SLC12A4: variants seen among roughly 807,000 people sequenced by gnomAD.
SLC12A4 encodes the protein solute carrier family 12 member 4.
In SLC12A4, 84 loss-of-function variants were observed where a neutral mutation model predicts 119.2. The observed-to-expected ratio is 0.70, with a 90% CI of 0.59 to 0.85. SLC12A4 has a LOEUF of 0.85. Ranked by LOEUF, SLC12A4 falls within the 40% of genes least tolerant of loss-of-function variation. The probability of loss-of-function intolerance (pLI) is 0.00; values close to 1 mark genes in which losing one functional copy is unlikely to be tolerated. For missense variants in SLC12A4, 1,298 were observed against 1,476.3 expected, an observed-to-expected ratio of 0.88 and a Z score of 1.98; for synonymous variants, 599 against 604.6, an observed-to-expected ratio of 0.99 and a Z score of 0.14.
Position 67,950,812 on chromosome 16 carries a change from G to A in SLC12A4, c.1397-101C>T, listed in dbSNP as rs143912564. On this transcript the variant is annotated intron_variant, in intron 10 of 23. Coordinates refer to ENST00000316341, the MANE Select transcript of SLC12A4 (RefSeq NM_005072.5). This position sits in a 1 kb window ranked among gnomAD's most constrained non-coding sequence, Gnocchi z 4.3. The stretch of plus-strand genomic sequence containing the variant: ...CCAGACTACCAGGACACCTACAGCT[G>A]GGAGTCTCGTGGTGTGTATGTGCAT... The A allele has an allele frequency of 4.8e-4, 718 of 1,487,870 alleles. 13 individuals carry two copies. In the East Asian group the frequency reaches 0.017, roughly 36 times the overall value. 92.2% of individuals were successfully genotyped at this position (1,487,870 alleles called of 1,614,324 possible).
chr16:67,957,616 A>G, intron 5 of SLC12A4, 126 bp downstream of exon 5: 1 of 1,033,680 alleles, frequency 9.7e-7, no homozygotes, highest in Non-Finnish European at 1.5e-6. Flanking sequence ...CTGTCCTGGC[A>G]TCAGGGATTG....
Position 67,951,560 on chromosome 16 carries a change from G to A in SLC12A4, c.1133-256C>T, listed in dbSNP as rs1473688529. Reference sequence around the variant, plus strand: ...GCCCGCCTTCCACAGAGGCCTTTATGGATCCTGTGGGAACATCCCCAGGCA... The same window carrying A: ...GCCCGCCTTCCACAGAGGCCTTTATAGATCCTGTGGGAACATCCCCAGGCA... On this transcript the variant is annotated intron_variant, in intron 8 of 23. Coordinates refer to ENST00000316341, the MANE Select transcript of SLC12A4 (RefSeq NM_005072.5). The surrounding 1 kb of genome is among the most constrained non-coding windows in gnomAD (Gnocchi z 5.2). The A allele has an allele frequency of 4.9e-6, 3 of 607,796 alleles. No homozygotes were observed. Among genetic ancestry groups the A allele is most frequent in the Non-Finnish European group, 8.7e-6 (3 of 345,662 alleles). The allele number at this position is 607,796 out of a possible 1,614,324, so 37.7% of individuals were successfully genotyped here. A position where few individuals can be genotyped will look rare whatever the true frequency, so the allele number is the denominator to read the frequency against.
At chr16:67,952,704 G>A (rs574148184) in intron 6 of SLC12A4, among the ~76,000 whole-genome samples, 11 of 151,160 alleles carry the variant, frequency 7.3e-5, no homozygotes, top group Non-Finnish European at 8.9e-5. Context: ...CAGGAGGATC[G>A]CCTGAATCCA....
chr16:67,945,890 G>GT lies in SLC12A4; in HGVS notation c.2740-20dup. ...TGTTATGCTGGGGACAGGGTTGGCC[G>GT]TGAGGACCCAGCTGCACGGGACATG... On this transcript the variant is annotated intron_variant, in intron 20 of 23. Coordinates refer to ENST00000316341, the MANE Select transcript of SLC12A4 (RefSeq NM_005072.5). 1.9e-6 allele frequency: 3 copies of GT among 1,613,578 alleles called. No individual in the cohort carries two copies. Among genetic ancestry groups the GT allele is most frequent in the Non-Finnish European group, 2.5e-6 (3 of 1,179,654 alleles).
chr16:67,943,849 T>G lies in SLC12A4; in HGVS notation c.*991A>C, dbSNP rs190807031. ...GGGCAGGTACTTATGTCGGGGCTTA[T>G]GCAGGGCAGAAGGGCTTTGGCCAGG... On this transcript the variant is annotated 3_prime_UTR_variant, in exon 24 of 24. Transcript: ENST00000316341. This position sits in a 1 kb window ranked among gnomAD's most constrained non-coding sequence, Gnocchi z 4.6. 1.7e-6 allele frequency: 2 copies of G among 1,188,608 alleles called. No individual in the cohort carries two copies. Among genetic ancestry groups the G allele is most frequent in the East Asian group, 5.2e-5 (2 of 38,752 alleles). 73.6% of individuals were successfully genotyped at this position (1,188,608 alleles called of 1,614,324 possible).
chr16:67,962,573 G>A (rs1434599800), intron 2 of SLC12A4: 1 of 152,284 alleles, frequency 6.6e-6, no homozygotes, highest in East Asian at 1.9e-4. Context: ...CAGATGTGGT[G>A]GCTCACAGCA....
intron 1 of SLC12A4, among the ~76,000 whole-genome samples, chr16:67,965,236 A>T (rs1189339967): frequency 6.6e-6 from 1 of 152,046 alleles, no homozygotes; most frequent in African/African-American, 2.4e-5. Context: ...ACCCAGTAAC[A>T]CTCTGCCTCT....
chr16:67,966,996 G>T, intron 1 of SLC12A4: 1 of 997,188 alleles, frequency 1.0e-6, no homozygotes, highest in Non-Finnish European at 1.4e-6. Context: ...TCCTGGGGAT[G>T]CAGCCCAGTC....
rs1266105638 is a variant in SLC12A4, at chr16:67,945,882, G to C, written c.2740-11C>G. On this transcript the variant is annotated splice_polypyrimidine_tract_variant and intron_variant, in intron 20 of 23. Transcript: ENST00000316341. ...GATGTCACTGTTATGCTGGGGACAG[G>C]GTTGGCCGTGAGGACCCAGCTGCAC... 6.2e-7 allele frequency: 1 copy of C among 1,613,678 alleles called. No individual in the cohort carries two copies. The highest frequency in any genetic ancestry group is 8.5e-7 in the Non-Finnish European group (1 of 1,179,824).
Position 67,946,300 on chromosome 16 carries a change from G to C in SLC12A4, c.2478C>G (p.Leu826=), listed in dbSNP as rs760527523. 6.2e-7 allele frequency: 1 copy of C among 1,612,586 alleles called. No homozygotes were observed. Among genetic ancestry groups the C allele is most frequent in the Non-Finnish European group, 8.5e-7 (1 of 1,180,024 alleles). Residue 826 remains leucine, a synonymous_variant, in exon 19 of 24, where the codon CTC becomes CTG. Coordinates refer to ENST00000316341, the MANE Select transcript of SLC12A4 (RefSeq NM_005072.5). The part of the protein sequence containing the change: ...RCTTAAHLAL[L]VPKNIAFYPS... ...GGTAGAAGGCGATGTTCTTGGGCAC[G>C]AGCAGGGCCAGGTGGGCAGCCGTAG...
Position 67,944,744 on chromosome 16 carries a change from TG to T in SLC12A4, c.*95del, listed in dbSNP as rs1598206568. The T allele has an allele frequency of 1.1e-5, 16 of 1,517,556 alleles. No homozygotes were observed. The East Asian group carries it at 3.7e-4, about 35-fold the overall frequency. 94.0% of individuals were successfully genotyped at this position (1,517,556 alleles called of 1,614,324 possible). On this transcript the variant is annotated 3_prime_UTR_variant, in exon 24 of 24. Transcript: ENST00000316341. The surrounding 1 kb of genome is among the most constrained non-coding windows in gnomAD (Gnocchi z 6.6). Reference sequence around the variant, plus strand: ...CAGGACAGGGCCAGGCAAGCAGGGCTGGCAGGTGGGTGCTGGGAAGAGGCTG... The same window carrying T: ...CAGGACAGGGCCAGGCAAGCAGGGCTGCAGGTGGGTGCTGGGAAGAGGCTG...
Position 67,949,825 on chromosome 16 carries a change from C to T in SLC12A4, c.1723G>A (p.Asp575Asn), listed in dbSNP as rs754522205. The T allele has an allele frequency of 3.7e-6, 6 of 1,609,962 alleles. No individual in the cohort carries two copies. Among genetic ancestry groups the T allele is most frequent in the East Asian group, 2.3e-5 (1 of 44,328 alleles). Residue 575 changes from aspartate (D) to asparagine (N), a missense_variant, in exon 13 of 24, where the codon GAC becomes AAC. Physicochemically the swap from Asp to Asn is conservative, Grantham distance 23 (BLOSUM62 1). Coordinates refer to ENST00000316341, the MANE Select transcript of SLC12A4 (RefSeq NM_005072.5). The surrounding 1 kb of genome is among the most constrained non-coding windows in gnomAD (Gnocchi z 4.6). Reference sequence around the variant, plus strand: ...ATGGATAAGATGGGGGCCACCATGTCGAGGGAGGCGATGAGGATGCCCAGC... The same window carrying T: ...ATGGATAAGATGGGGGCCACCATGTTGAGGGAGGCGATGAGGATGCCCAGC... ...AELGILIASL[D>N]MVAPILSMFF...
At chr16:67,965,749 A>G (rs1379752373) in intron 1 of SLC12A4, among the ~76,000 whole-genome samples, 1 of 152,168 alleles carries the variant, frequency 6.6e-6, no homozygotes, top group East Asian at 1.9e-4. Flanking sequence ...TTGTCCCTTC[A>G]GCTATCACTC....
At chr16:67,945,243 C>T in intron 22 of SLC12A4, 23 bp from the exon 23 acceptor site, 1 of 1,552,262 alleles carries the variant, frequency 6.4e-7, no homozygotes, top group South Asian at 1.2e-5. Context: ...TAGCCAGTCA[C>T]AGGTCGCCAT....
At chr16:67,956,715 C>T (rs1598223331) in intron 5 of SLC12A4, among the ~76,000 whole-genome samples, 1 of 151,958 alleles carries the variant, frequency 6.6e-6, no homozygotes, top group African/African-American at 2.4e-5. Flanking sequence ...AATCAAAAAA[C>T]TGTTTTCAAC....
rs1459337065 is a variant in SLC12A4, at chr16:67,946,998, A to C, written c.2180T>G (p.Val727Gly). Reference protein sequence around the residue: ...QLKAGKGLTIVGSVIQGSFLE... With the variant: ...QLKAGKGLTIGGSVIQGSFLE... ...GAAGCTCCCCTGGATGACAGAACCA[A>C]CAATGGTCAGGCCCTTGCCAGCCTT... is the stretch of plus-strand genomic sequence containing the variant. Residue 727 changes from valine (V) to glycine (G), a missense_variant, in exon 17 of 24, where the codon GTT (valine) becomes GGT (glycine). Physicochemically the swap from Val to Gly is moderately radical, Grantham distance 109 (BLOSUM62 -3). Coordinates refer to ENST00000316341, the MANE Select transcript of SLC12A4 (RefSeq NM_005072.5). 2 of 1,613,132 alleles carry C rather than the reference A, an allele frequency of 1.2e-6. No individual in the cohort carries two copies. The highest frequency in any genetic ancestry group is 2.7e-5 in the African/African-American group (2 of 74,944).
intron 13 of SLC12A4, among the ~76,000 whole-genome samples, chr16:67,948,913 T>C (rs1273488341): frequency 1.3e-5 from 2 of 151,930 alleles, no homozygotes; most frequent in African/African-American, 2.4e-5. Flanking sequence ...TGCTCAGGGG[T>C]ACAGGGCCCC....
In SLC12A4 at chr16:67,950,752, C is replaced by T. The variant is rs1462232893; in HGVS notation, c.1397-41G>A. ...GGAAAACTCGGCCTCTGCCACCCCA[C>T]TGTCCCTGAATAGTACCACGTGCCC... is the stretch of plus-strand genomic sequence containing the variant. On this transcript the variant is annotated intron_variant, in intron 10 of 23. Coordinates refer to ENST00000316341, the MANE Select transcript of SLC12A4 (RefSeq NM_005072.5). The surrounding 1 kb of genome is among the most constrained non-coding windows in gnomAD (Gnocchi z 4.3). The T allele has an allele frequency of 1.9e-6, 3 of 1,581,664 alleles. No individual in the cohort carries two copies. The highest frequency in any genetic ancestry group is 2.6e-6 in the Non-Finnish European group (3 of 1,164,544).
At chr16:67,948,273 C>CA (rs2058375006) in intron 13 of SLC12A4, 114 bp from the exon 14 acceptor site, 1 of 902,916 alleles carries the variant, frequency 1.1e-6, no homozygotes, top group African/African-American at 1.7e-5. Flanking sequence ...CTGCATGGCT[C>CA]AGCAAGGTCT....
Sources: allele counts gnomAD v4.1 joint callset (sites outside exome capture counted in the v4.1 genomes callset), GRCh38; gene constraint gnomAD v4.1.1; non-coding constraint Gnocchi (gnomAD v3.1); transcripts MANE v1.5; gene names NCBI Gene and HGNC (gene_info 2026-07-23, HGNC 2026-07-21).